USP8: variants seen among roughly 807,000 people sequenced by gnomAD.
The protein encoded by USP8 is ubiquitin carboxyl-terminal hydrolase 8.
A neutral mutation model predicts 130.0 loss-of-function variants in USP8; 27 were observed. The ratio of observed to expected loss-of-function variants is 0.21; its 90% CI spans 0.15 to 0.29. The LOEUF is 0.29. Ranked by LOEUF, USP8 falls within the 10% of genes least tolerant of loss-of-function variation. USP8 has a pLI of 1.00. For synonymous variants in USP8, 392 were observed against 444.1 expected (o/e 0.88, Z 1.48); for missense variants, 1,029 against 1,312.2 (o/e 0.78, Z 3.33).
intron 6 of USP8, among the ~76,000 whole-genome samples, chr15:50,464,243 G>C (rs1397834350): frequency 6.6e-6 from 1 of 152,150 alleles, no homozygotes; most frequent in Non-Finnish European, 1.5e-5. Flanking sequence ...ATGTAGAATA[G>C]CAAGCTTTTG....
rs34639682 is a variant in USP8 at position 50,499,606 on chromosome 15, GT to G, written c.*520del. 71,243 of 151,644 alleles carry G rather than the reference GT, an allele frequency of 0.47. 17,044 individuals carry two copies. The highest frequency in any genetic ancestry group is 0.58 in the East Asian group (3,009 of 5,162). 9.4% of individuals were successfully genotyped at this position (151,644 alleles called of 1,614,324 possible). ...CTTTTTTTCTTTCAGCCTATTTTGAGTTAACTTCAGTGCTTTCTTAGGGAAA... is the reference window on the plus strand; with the variant it reads ...CTTTTTTTCTTTCAGCCTATTTTGAGTAACTTCAGTGCTTTCTTAGGGAAA... On this transcript the variant is annotated 3_prime_UTR_variant, in exon 20 of 20. Transcript: ENST00000307179.
In USP8 at chr15:50,439,063, GATAATTCATC is replaced by G. The variant is rs772414676; in HGVS notation, c.-8_2del. 2.1e-5 allele frequency: 33 copies of G among 1,596,454 alleles called. No homozygotes were observed. In the East Asian group the frequency reaches 7.4e-4, roughly 36 times the overall value. On this transcript the variant is annotated 5_prime_UTR_variant, in exon 2 of 20. Coordinates refer to ENST00000307179, the MANE Select transcript of USP8 (RefSeq NM_005154.5). ...TCCATTGTGAAAGTGGAAAAGTAAA[GATAATTCATC>G]ATGCCTGCTGTGGCTTCAGTTCCTA...
chr15:50,453,205 C>T (rs927471114), intron 4 of USP8, among the ~76,000 whole-genome samples: 11 of 152,338 alleles, frequency 7.2e-5, no homozygotes, highest in African/African-American at 2.6e-4. Context: ...TATGATGAAA[C>T]ATCTGTTTTT....
intron 1 of USP8, among the ~76,000 whole-genome samples, chr15:50,437,755 C>A (rs947484637): frequency 6.6e-6 from 1 of 152,222 alleles, no homozygotes; most frequent in Non-Finnish European, 1.5e-5. Flanking sequence ...TTAGATACCT[C>A]GCTAGAAGGA....
chr15:50,444,000 A>AGT (rs1205973747), intron 3 of USP8, among the ~76,000 whole-genome samples: 2 of 152,046 alleles, frequency 1.3e-5, no homozygotes, highest in Admixed American at 6.6e-5. Flanking sequence ...CTTAAAACGC[A>AGT]GTGTAAGTGG....
At chr15:50,483,991 T>C (rs1240526429) in intron 11 of USP8, among the ~76,000 whole-genome samples, 2 of 152,038 alleles carry the variant, frequency 1.3e-5, no homozygotes, top group African/African-American at 4.8e-5. Context: ...TCATGGTGAA[T>C]ATACATTAAT....
rs2052689339 is a variant in USP8 at position 50,508,140 on chromosome 15, C to T, written c.*9052C>T. ...TAGTCTTTGAACACAATACAATTAG[C>T]AGTCAATACAAAATGATACCCCCAC... is the stretch of plus-strand genomic sequence containing the variant. On this transcript the variant is annotated 3_prime_UTR_variant, in exon 20 of 20. Transcript: ENST00000307179. 1 of 143,962 alleles carries T rather than the reference C, an allele frequency of 6.9e-6. No homozygotes were observed. The highest frequency in any genetic ancestry group is 2.6e-5 in the African/African-American group (1 of 38,646). 8.9% of individuals were successfully genotyped at this position (143,962 alleles called of 1,614,324 possible). A position where few individuals can be genotyped will look rare whatever the true frequency, so the allele number is the denominator to read the frequency against.
intron 4 of USP8, among the ~76,000 whole-genome samples, chr15:50,458,278 A>G (rs1008951230): frequency 6.6e-6 from 1 of 152,064 alleles, no homozygotes; most frequent in Admixed American, 6.6e-5. Flanking sequence ...CAGCTTCCCA[A>G]GTAGCTGGGA....
rs1397202143 is a variant in USP8 at position 50,465,138 on chromosome 15, G to A, written c.633G>A (p.Gln211=). The change falls in exon 7 of 20, where the codon CAG becomes CAA. Residue 211 remains glutamine, a synonymous_variant. Transcript: ENST00000307179. The stretch of plus-strand genomic sequence containing the variant: ...ATGCTCGAAGAATGCAGGATTATCA[G>A]GATTCCTGTATTTTACATTCTCTCA... ...IMDARRMQDY[Q]DSCILHSLSV... 1.9e-6 allele frequency: 3 copies of A among 1,613,944 alleles called. 1 individual carries two copies. The African/African-American group carries it at 4.0e-5, about 22-fold the overall frequency.
At position 50,500,937 on chromosome 15, in the gene USP8, A is replaced by T; in HGVS notation, c.*1849A>T. On this transcript the variant is annotated 3_prime_UTR_variant, in exon 20 of 20. Coordinates refer to ENST00000307179, the MANE Select transcript of USP8 (RefSeq NM_005154.5). ...AGAGATGCTTTTTAAATTGTCCCTT[A>T]TTCTAAATTAAAAGGAAGTGATAAT... The T allele has an allele frequency of 1.0e-6, 1 of 990,778 alleles. No individual in the cohort carries two copies. Among genetic ancestry groups the T allele is most frequent in the Non-Finnish European group, 1.5e-6 (1 of 650,068 alleles). 61.4% of individuals were successfully genotyped at this position (990,778 alleles called of 1,614,324 possible).
chr15:50,439,516 C>T (rs574553746), intron 2 of USP8, among the ~76,000 whole-genome samples: 14 of 152,120 alleles, frequency 9.2e-5, no homozygotes, highest in Non-Finnish European at 1.8e-4. Flanking sequence ...TGGCCGGGTG[C>T]GGTGGCTCAC....
intron 11 of USP8, among the ~76,000 whole-genome samples, chr15:50,483,809 A>C (rs1298145526): frequency 2.6e-5 from 4 of 152,008 alleles, no homozygotes; most frequent in African/African-American, 2.4e-5. Flanking sequence ...AAAAAAAAAG[A>C]ATCTGTGATG....
rs2141350239 is a variant in USP8 at position 50,509,631 on chromosome 15, G to C, written c.*10543G>C. The C allele has an allele frequency of 6.6e-6, 1 of 152,246 alleles. No individual in the cohort carries two copies. Among genetic ancestry groups the C allele is most frequent in the South Asian group, 2.1e-4 (1 of 4,828 alleles). The allele number at this position is 152,246 out of a possible 1,614,324, so 9.4% of individuals were successfully genotyped here. On this transcript the variant is annotated 3_prime_UTR_variant, in exon 20 of 20. Coordinates refer to ENST00000307179, the MANE Select transcript of USP8 (RefSeq NM_005154.5). Reference sequence around the variant, plus strand: ...CCATTGCACTCCAGCCTGGGCGACAGAGCGAGACTGCGTCTCAAAAAATAA... The same window carrying C: ...CCATTGCACTCCAGCCTGGGCGACACAGCGAGACTGCGTCTCAAAAAATAA...
intron 4 of USP8, among the ~76,000 whole-genome samples, chr15:50,450,228 A>G (rs1392160717): frequency 6.6e-6 from 1 of 152,006 alleles, no homozygotes; most frequent in African/African-American, 2.4e-5. Flanking sequence ...AGTTTCTGGC[A>G]TTATTCTTTA....
At chr15:50,481,418 C>G (rs1461368690) in intron 10 of USP8, 63 bp from the exon 11 acceptor site, 4 of 1,236,954 alleles carry the variant, frequency 3.2e-6, no homozygotes, top group Non-Finnish European at 4.3e-6. Context: ...AACTTGATCT[C>G]AAGAACTGAG....
rs763815800 is a variant in USP8 at position 50,490,435 on chromosome 15, G to A, written c.2144G>A (p.Arg715His). The change falls in exon 14 of 20, where the codon CGC becomes CAC. Residue 715 changes from arginine (R) to histidine (H), a missense_variant. By Grantham distance (29) the Arg-to-His change is conservative (BLOSUM62 0). Around this residue, in one of 4 missense-constraint regions of USP8, gnomAD observed 486 missense variants for 522.0 expected, o/e 0.93. Transcript: ENST00000307179. ...ERDREPSKLK[R>H]SYSSPDITQA... ...GATAGGGAACCTTCCAAACTGAAGC[G>A]CTCCTACTCCTCCCCAGATATAACC... 8 of 1,613,926 alleles carry A rather than the reference G, an allele frequency of 5.0e-6. No homozygotes were observed. The highest frequency in any genetic ancestry group is 1.7e-5 in the Admixed American group (1 of 59,982).
At chr15:50,428,141 G>A (rs951078317) in intron 1 of USP8, among the ~76,000 whole-genome samples, 2 of 150,486 alleles carry the variant, frequency 1.3e-5, no homozygotes, top group African/African-American at 2.4e-5. Flanking sequence ...TTTTTGAGAG[G>A]GAGTCTTGCT....
At chr15:50,444,827 G>C (rs541152261) in intron 3 of USP8, among the ~76,000 whole-genome samples, 2 of 152,122 alleles carry the variant, frequency 1.3e-5, no homozygotes, top group African/African-American at 2.4e-5. Flanking sequence ...GCACAGTCAT[G>C]GTTCACTGCA....
At position 50,500,756 on chromosome 15, in the gene USP8, T is replaced by TTG. The variant is rs779629604; in HGVS notation, c.*1668_*1669insTG. 6.3e-7 allele frequency: 1 copy of TTG among 1,580,080 alleles called. No homozygotes were observed. Among genetic ancestry groups the TTG allele is most frequent in the Admixed American group, 1.8e-5 (1 of 54,578 alleles). ...TCTGGAATCTCACTGACTCGTGTGT[T>TTG]ATCAAAGCTATATCAGGCCTGGGTG... On this transcript the variant is annotated 3_prime_UTR_variant, in exon 20 of 20. Coordinates refer to ENST00000307179, the MANE Select transcript of USP8 (RefSeq NM_005154.5).
Sources: gnomAD v4.1 joint callset for allele counts (sites outside exome capture counted in the v4.1 genomes callset) on GRCh38, gnomAD v4.1.1 for gene constraint, gnomAD v4.1.1 regional missense constraint, MANE v1.5 for transcripts, NCBI Gene and HGNC (gene_info 2026-07-23, HGNC 2026-07-21) for gene names.